MICU1: variants seen among roughly 807,000 people sequenced by gnomAD.
The protein encoded by MICU1 is calcium uptake protein 1, mitochondrial.
A neutral mutation model predicts 56.8 loss-of-function variants in MICU1; 45 were observed. That is an observed-to-expected ratio of 0.79 (90% CI 0.62 to 1.02). MICU1 has a LOEUF of 1.02. Among genes scored for constraint, MICU1 ranks in the 50% least tolerant of loss-of-function variants. The pLI is 0.00. For missense variants in MICU1, 504 were observed against 587.1 expected, an observed-to-expected ratio of 0.86 and a Z score of 1.46; for synonymous variants, 186 against 195.1, an observed-to-expected ratio of 0.95 and a Z score of 0.39.
In MICU1 at chr10:72,475,119, T is replaced by A; in HGVS notation, c.914A>T (p.His305Leu). Residue 305 changes from histidine (H) to leucine (L), a missense_variant, in exon 8 of 12, where the codon CAT becomes CTT. Coordinates refer to ENST00000361114, the MANE Select transcript of MICU1 (RefSeq NM_001195518.2). The stretch of plus-strand genomic sequence containing the variant: ...ACCTACCTCAAGCTTCAGAACATCA[T>A]GCTGCAGTTTACGCTGAAATTCGAG... The part of the protein sequence containing the change: ...NFLEFQRKLQ[H>L]DVLKLEFERH... The A allele has an allele frequency of 6.2e-7, 1 of 1,610,112 alleles. No homozygotes were observed. Among genetic ancestry groups the A allele is most frequent in the East Asian group, 2.2e-5 (1 of 44,814 alleles).
chr10:72,611,146 C>CA (rs1038671364), intron 1 of MICU1, among the ~76,000 whole-genome samples: 4 of 148,098 alleles, frequency 2.7e-5, no homozygotes, highest in Non-Finnish European at 3.0e-5. Context: ...CTACTAAATA[C>CA]AAAAAAATTA....
intron 1 of MICU1, among the ~76,000 whole-genome samples, chr10:72,598,679 T>TGGTTTTCATTTCA (rs1488688151): frequency 1.3e-5 from 2 of 152,066 alleles, no homozygotes; most frequent in African/African-American, 4.8e-5. Flanking sequence ...CAAGAGGAAA[T>TGGTTTTCATTTCA]CCTGACAATG....
intron 4 of MICU1, among the ~76,000 whole-genome samples, chr10:72,536,902 TAGAC>T (rs1445618129): frequency 1.3e-5 from 2 of 152,310 alleles, no homozygotes; most frequent in Admixed American, 6.5e-5. Context: ...GCTACTGTAT[TAGAC>T]AGCACAGGTT....
At chr10:72,560,856 C>G (rs535459460) in intron 3 of MICU1, among the ~76,000 whole-genome samples, 1 of 151,650 alleles carries the variant, frequency 6.6e-6, no homozygotes, top group Non-Finnish European at 1.5e-5. Flanking sequence ...GGCGACAGAC[C>G]GAGACTCCAT....
At chr10:72,446,203 G>A (rs928419168) in intron 8 of MICU1, among the ~76,000 whole-genome samples, 3 of 151,916 alleles carry the variant, frequency 2.0e-5, no homozygotes, top group Admixed American at 6.6e-5. Context: ...ATGATTCAGA[G>A]TCAAAAAAAA....
Position 72,466,100 on chromosome 10 carries a change from C to G in MICU1, c.933+9000G>C, listed in dbSNP as rs1354265843. On this transcript the variant is annotated intron_variant, in intron 8 of 11. Coordinates refer to ENST00000361114, the MANE Select transcript of MICU1 (RefSeq NM_001195518.2). ...CATCTACATTACCAGCATCACTACT[C>G]TTGTGCTTTGGGGCCATTAGTAAAT... 2.0e-5 allele frequency among the ~76,000 whole-genome samples: 3 copies of G among 152,148 alleles called. No individual in the cohort carries two copies. The East Asian group carries it at 5.8e-4, about 29-fold the overall frequency.
At chr10:72,585,994 A>ATTTTTTTTTT (rs1276935862) in intron 1 of MICU1, among the ~76,000 whole-genome samples, 1 of 100,206 alleles carries the variant, frequency 1.0e-5, no homozygotes, top group Non-Finnish European at 2.1e-5. Flanking sequence ...TATTGTTTTT[A>ATTTTTTTTTT]TTTTTTCTTT....
chr10:72,618,483 A>C (rs2132585607), intron 1 of MICU1, among the ~76,000 whole-genome samples: 1 of 151,262 alleles, frequency 6.6e-6, no homozygotes, highest in South Asian at 2.1e-4. Context: ...TCAATGCTTA[A>C]ATTGAAAATC....
intron 8 of MICU1, among the ~76,000 whole-genome samples, chr10:72,449,904 A>ATC (rs1366054753): frequency 6.6e-6 from 1 of 152,146 alleles, no homozygotes; most frequent in East Asian, 1.9e-4. Flanking sequence ...TGTGCCTAAT[A>ATC]TACTAGACCA....
At chr10:72,372,018 C>T (rs929292053) in intron 11 of MICU1, among the ~76,000 whole-genome samples, 2 of 149,552 alleles carry the variant, frequency 1.3e-5, no homozygotes, top group Non-Finnish European at 3.0e-5. Flanking sequence ...ATTATGCCCC[C>T]GCACTCCAGC....
chr10:72,477,256 G>C lies in MICU1; in HGVS notation c.653C>G (p.Thr218Ser). ...GGCAATTTCAAAATTTCTCTGAGGA[G>C]CTGCAGAGGAGAGAAAAAAAATATT... ...DYIFLTTVLSTPQRNFEIAFK... is the reference protein window; with the variant it reads ...DYIFLTTVLSSPQRNFEIAFK... Residue 218 changes from threonine to serine, a missense_variant and splice_region_variant, in exon 7 of 12, where the codon ACT (threonine) becomes AGT (serine). Physicochemically the swap from Thr to Ser is moderately conservative, Grantham distance 58 (BLOSUM62 1). Coordinates refer to ENST00000361114, the MANE Select transcript of MICU1 (RefSeq NM_001195518.2). 1 of 1,538,144 alleles carries C rather than the reference G, an allele frequency of 6.5e-7. No individual in the cohort carries two copies. The highest frequency in any genetic ancestry group is 8.7e-7 in the Non-Finnish European group (1 of 1,143,486).
intron 10 of MICU1, 122 bp from the exon 11 acceptor site, chr10:72,375,994 G>GA (rs1251043883): frequency 1.1e-6 from 1 of 940,504 alleles, no homozygotes; most frequent in Non-Finnish European, 1.6e-6. Flanking sequence ...TCACATTTAA[G>GA]AAAATGATAA....
At chr10:72,500,311 T>A (rs1392000164) in intron 6 of MICU1, among the ~76,000 whole-genome samples, 1,146 of 16,904 alleles carry the variant, frequency 0.068, 31 homozygotes, top group African/African-American at 0.15. Flanking sequence ...TATTTTTTTT[T>A]TTTTTTTTTT....
chr10:72,441,948 G>C (rs192362384), intron 8 of MICU1, among the ~76,000 whole-genome samples: 2 of 152,164 alleles, frequency 1.3e-5, no homozygotes, highest in African/African-American at 4.8e-5. Context: ...AGCAACTTGA[G>C]AGAGGCAAAT....
intron 8 of MICU1, among the ~76,000 whole-genome samples, chr10:72,425,858 T>G (rs1864329759): frequency 6.6e-6 from 1 of 152,142 alleles, no homozygotes; most frequent in Admixed American, 6.6e-5. Flanking sequence ...ACCACTATGC[T>G]AAGGCTAGGG....
chr10:72,516,183 T>C (rs192435864), intron 5 of MICU1, among the ~76,000 whole-genome samples: 1 of 152,360 alleles, frequency 6.6e-6, no homozygotes, highest in African/African-American at 2.4e-5. Context: ...ATTTCTCTAA[T>C]GACCAGTGAT....
chr10:72,524,031 A>G, intron 5 of MICU1: 1 of 1,211,550 alleles, frequency 8.3e-7, no homozygotes, highest in Non-Finnish European at 1.0e-6. Flanking sequence ...AGAAATTTCA[A>G]AAGAAAAAAA....
intron 1 of MICU1, among the ~76,000 whole-genome samples, chr10:72,592,843 C>A (rs868463411): frequency 6.7e-6 from 1 of 148,950 alleles, no homozygotes; most frequent in Non-Finnish European, 1.5e-5. Flanking sequence ...AGAGCAATGG[C>A]GCAATCTCGG....
At chr10:72,517,781 CTT>C (rs67568584) in intron 5 of MICU1, among the ~76,000 whole-genome samples, 5,293 of 146,414 alleles carry the variant, frequency 0.036, 293 homozygotes, top group African/African-American at 0.12. Context: ...GGAAATAAAA[CTT>C]TTTTTTTTTT....
Sources: allele counts gnomAD v4.1 joint callset (sites outside exome capture counted in the v4.1 genomes callset), GRCh38; gene constraint gnomAD v4.1.1; transcripts MANE v1.5; gene names NCBI Gene and HGNC (gene_info 2026-07-23, HGNC 2026-07-21).